CFAP299: variants seen among roughly 807,000 people sequenced by gnomAD.
The protein encoded by CFAP299 is cilia and flagella associated protein 299.
Under a neutral mutation model 27.0 loss-of-function variants are expected in CFAP299, and 21 were observed. The observed-to-expected ratio is 0.78, with a 90% CI of 0.55 to 1.12. CFAP299 has a LOEUF of 1.12. Among genes scored for constraint, CFAP299 ranks in the 50% most tolerant of loss-of-function variants. The pLI is 0.00. For synonymous variants in CFAP299, 104 were observed against 98.1 expected (o/e 1.06, Z -0.36); for missense variants, 310 against 276.6 (o/e 1.12, Z -0.86).
chr4:80,645,507 G>C (rs563535922), intron 3 of CFAP299, among the ~76,000 whole-genome samples: 1 of 152,116 alleles, frequency 6.6e-6, no homozygotes, highest in Admixed American at 6.6e-5. Flanking sequence ...AGGTGTATCT[G>C]TTTGTATCTA....
intron 2 of CFAP299, among the ~76,000 whole-genome samples, chr4:80,375,516 T>G (rs1322863938): frequency 1.3e-5 from 2 of 152,140 alleles, no homozygotes; most frequent in African/African-American, 4.8e-5. Context: ...TCATGGTGAG[T>G]GATCCAATCC....
At chr4:80,831,881 CAGAG>C (rs780089663) in intron 3 of CFAP299, among the ~76,000 whole-genome samples, 1 of 152,068 alleles carries the variant, frequency 6.6e-6, no homozygotes, top group Non-Finnish European at 1.5e-5. Flanking sequence ...TATTGTGAGA[CAGAG>C]AGAACATGAA....
chr4:80,954,766 G>A (rs1456307144), intron 5 of CFAP299, among the ~76,000 whole-genome samples: 1 of 151,960 alleles, frequency 6.6e-6, no homozygotes, highest in East Asian at 1.9e-4. Flanking sequence ...TTAGGAGGCG[G>A]AGGTGGGCGG....
chr4:80,844,952 C>G (rs539418978), intron 3 of CFAP299, among the ~76,000 whole-genome samples: 7 of 152,208 alleles, frequency 4.6e-5, no homozygotes, highest in East Asian at 3.9e-4. Context: ...GGAAGGGATC[C>G]AGTTTCAGCT....
intron 3 of CFAP299, among the ~76,000 whole-genome samples, chr4:80,713,691 G>A (rs1722305723): frequency 6.6e-6 from 1 of 152,108 alleles, no homozygotes; most frequent in Admixed American, 6.5e-5. Flanking sequence ...CTAAGCAGTG[G>A]GTGAGGTAAG....
chr4:80,614,883 A>G (rs1738195313), intron 3 of CFAP299, among the ~76,000 whole-genome samples: 2 of 152,238 alleles, frequency 1.3e-5, no homozygotes, highest in African/African-American at 4.8e-5. Context: ...ATGTCAACAT[A>G]CAAGAGACAC....
chr4:80,818,481 C>A (rs1263751113), intron 3 of CFAP299, among the ~76,000 whole-genome samples: 2 of 151,796 alleles, frequency 1.3e-5, no homozygotes, highest in Admixed American at 1.3e-4. Flanking sequence ...GGCTCTGCTG[C>A]TCTATATGAC....
intron 4 of CFAP299, among the ~76,000 whole-genome samples, chr4:80,920,225 C>T (rs1228061352): frequency 6.6e-6 from 1 of 152,042 alleles, no homozygotes; most frequent in Admixed American, 6.6e-5. Context: ...AGACCACCAG[C>T]TCCTCACTTT....
chr4:80,934,420 C>T (rs868858195), intron 4 of CFAP299, among the ~76,000 whole-genome samples: 27 of 151,884 alleles, frequency 1.8e-4, no homozygotes, highest in Middle Eastern at 3.2e-3. Context: ...AAAGTAGGCC[C>T]CATAAGATGA....
At chr4:80,845,507 A>G (rs1307319044) in intron 3 of CFAP299, among the ~76,000 whole-genome samples, 1 of 152,152 alleles carries the variant, frequency 6.6e-6, no homozygotes, top group African/African-American at 2.4e-5. Flanking sequence ...ACTACTGCTC[A>G]GCCACATTGA....
At chr4:80,921,106 T>C (rs1192829807) in intron 4 of CFAP299, among the ~76,000 whole-genome samples, 1 of 152,058 alleles carries the variant, frequency 6.6e-6, no homozygotes, top group Non-Finnish European at 1.5e-5. Context: ...TAATCCCCAA[T>C]AGGTTTGGGG....
intron 3 of CFAP299, among the ~76,000 whole-genome samples, chr4:80,817,426 A>G (rs973284513): frequency 2.0e-5 from 3 of 152,294 alleles, no homozygotes; most frequent in African/African-American, 2.4e-5. Context: ...ATATGAATAC[A>G]TTAAAGTTAC....
At chr4:80,824,812 C>T (rs1405669284) in intron 3 of CFAP299, among the ~76,000 whole-genome samples, 1 of 152,002 alleles carries the variant, frequency 6.6e-6, no homozygotes, top group Non-Finnish European at 1.5e-5. Context: ...AAAGTTTTAT[C>T]TCTAGTTTCA....
chr4:80,895,202 G>A (rs1426357106), intron 4 of CFAP299, among the ~76,000 whole-genome samples: 1 of 145,756 alleles, frequency 6.9e-6, no homozygotes, highest in Non-Finnish European at 1.5e-5. Context: ...ACACACACTA[G>A]TAACTATGTG....
intron 2 of CFAP299, among the ~76,000 whole-genome samples, chr4:80,562,413 C>T (rs368215896): frequency 6.6e-6 from 1 of 152,020 alleles, no homozygotes; most frequent in Non-Finnish European, 1.5e-5. Context: ...GCCTGTCCAA[C>T]ATGGTGAAGC....
At chr4:80,528,842 A>T (rs901946072) in intron 2 of CFAP299, among the ~76,000 whole-genome samples, 1 of 152,126 alleles carries the variant, frequency 6.6e-6, no homozygotes, top group Non-Finnish European at 1.5e-5. Flanking sequence ...CTCAAGAAAG[A>T]GGCCAATATT....
chr4:80,674,636 C>T (rs1278836339), intron 3 of CFAP299, among the ~76,000 whole-genome samples: 3 of 152,316 alleles, frequency 2.0e-5, no homozygotes, highest in Admixed American at 6.5e-5. Context: ...TGGTTCCATT[C>T]TCCCCGTCAC....
chr4:80,707,793 C>A (rs1578043752), intron 3 of CFAP299, among the ~76,000 whole-genome samples: 1 of 152,150 alleles, frequency 6.6e-6, no homozygotes, highest in South Asian at 2.1e-4. Flanking sequence ...CATATGGCTA[C>A]ATTATAATTA....
intron 3 of CFAP299, among the ~76,000 whole-genome samples, chr4:80,590,299 G>A (rs888787372): frequency 1.3e-5 from 2 of 152,120 alleles, no homozygotes; most frequent in African/African-American, 4.8e-5. Flanking sequence ...GAAAGTGTGA[G>A]GATTAAATGA....
Sources: gnomAD v4.1 joint callset for allele counts (sites outside exome capture counted in the v4.1 genomes callset) on GRCh38, gnomAD v4.1.1 for gene constraint, MANE v1.5 for transcripts, NCBI Gene and HGNC (gene_info 2026-07-23, HGNC 2026-07-21) for gene names.